Variants in TOR1A observed in about 807,000 individuals in gnomAD.
The protein encoded by TOR1A is torsin-1A.
A neutral mutation model predicts 31.4 loss-of-function variants in TOR1A; 18 were observed. The observed-to-expected ratio is 0.57, with a 90% CI of 0.40 to 0.85. The LOEUF (loss-of-function observed/expected upper bound fraction) is 0.85, where lower values mean the gene tolerates loss of function less well. Ranked by LOEUF, TOR1A falls within the 40% of genes least tolerant of loss-of-function variation. The pLI is 0.00. For missense variants in TOR1A, 375 were observed against 416.4 expected (o/e 0.90, Z 0.87); for synonymous variants, 168 against 165.9 (o/e 1.01, Z -0.10).
In TOR1A at chr9:129,813,186, A is replaced by G. The variant is rs2030939064; in HGVS notation, c.*786T>C. 2 of 152,562 alleles carry G rather than the reference A, an allele frequency of 1.3e-5. No homozygotes were observed. Among genetic ancestry groups the G allele is most frequent in the South Asian group, 4.1e-4 (2 of 4,828 alleles). 9.5% of individuals were successfully genotyped at this position (152,562 alleles called of 1,614,324 possible). A position where few individuals can be genotyped will look rare whatever the true frequency, so the allele number is the denominator to read the frequency against. The stretch of plus-strand genomic sequence containing the variant: ...ACAGTGAAGGGCCACCTTTTGCAAA[A>G]CGGAGTGACTGGCAAGTGACAAGTT... On this transcript the variant is annotated 3_prime_UTR_variant, in exon 5 of 5. Coordinates refer to ENST00000351698, the MANE Select transcript of TOR1A (RefSeq NM_000113.3).
intron 1 of TOR1A, 168 bp downstream of exon 1, chr9:129,823,740 C>A: frequency 4.5e-6 from 2 of 444,312 alleles, no homozygotes; most frequent in Non-Finnish European, 3.7e-6. Flanking sequence ...CTAGTGCCAT[C>A]GCCCAGCCCC....
At chr9:129,823,505 C>G in intron 1 of TOR1A, 1 of 178,948 alleles carries the variant, frequency 5.6e-6, no homozygotes, top group South Asian at 9.7e-5. Flanking sequence ...AGCCCCAGCC[C>G]CAGCCCCAGC....
chr9:129,818,373 T>C, intron 4 of TOR1A, 147 bp downstream of exon 4: 1 of 1,233,020 alleles, frequency 8.1e-7, no homozygotes. Context: ...TCAGCAAAGA[T>C]TCCCCTCATG....
intron 4 of TOR1A, chr9:129,818,299 T>C: frequency 1.5e-6 from 1 of 678,272 alleles, no homozygotes; most frequent in Non-Finnish European, 2.5e-6. Flanking sequence ...TAAAACTATC[T>C]GAAAAATAAA....
intron 2 of TOR1A, chr9:129,822,080 A>C (rs571338905): frequency 6.5e-5 from 15 of 229,610 alleles, no homozygotes; most frequent in Admixed American, 2.6e-4. Context: ...AGCCTGGCCA[A>C]GTTGGCAAAA....
In TOR1A at chr9:129,822,609, G is replaced by T. The variant is rs535987090; in HGVS notation, c.416C>A (p.Pro139Gln). 1 of 1,614,196 alleles carries T rather than the reference G, an allele frequency of 6.2e-7. No homozygotes were observed. Among genetic ancestry groups the T allele is most frequent in the African/African-American group, 1.3e-5 (1 of 75,030 alleles). ...GTACAAGGTGATGTTTGAAGCATGT[G>T]GAAAGTGCAATGTGGCCACAAACAG... ...VHLFVATLHF[P>Q]HASNITLYKD... Residue 139 changes from proline (P) to glutamine (Q), a missense_variant, in exon 2 of 5, where the codon CCA (proline) becomes CAA (glutamine). Coordinates refer to ENST00000351698, the MANE Select transcript of TOR1A (RefSeq NM_000113.3).
rs145607121 is a variant in TOR1A, at chr9:129,813,718, C to A, written c.*254G>T. On this transcript the variant is annotated 3_prime_UTR_variant, in exon 5 of 5. Transcript: ENST00000351698. Reference sequence around the variant, plus strand: ...AATTTGTAAAAAATCATGAGCCCTGCGATGAGTGGGCTGGGAGCTGGCTCC... The same window carrying A: ...AATTTGTAAAAAATCATGAGCCCTGAGATGAGTGGGCTGGGAGCTGGCTCC... 1.4e-5 allele frequency: 8 copies of A among 582,504 alleles called. No individual in the cohort carries two copies. The African/African-American group carries it at 1.5e-4, about 11-fold the overall frequency. The allele number at this position is 582,504 out of a possible 1,614,324, so 36.1% of individuals were successfully genotyped here.
chr9:129,818,398 T>A (rs1183449955), intron 4 of TOR1A, 122 bp downstream of exon 4: 2 of 1,486,588 alleles, frequency 1.3e-6, no homozygotes, highest in Middle Eastern at 1.9e-4. Context: ...GGAAGGGGAC[T>A]GAGAATCTGC....
chr9:129,819,071 C>T, intron 2 of TOR1A, 151 bp from the exon 3 acceptor site: 1 of 884,792 alleles, frequency 1.1e-6, no homozygotes, highest in Non-Finnish European at 1.8e-6. Flanking sequence ...TTGTTCCTAC[C>T]AACCCCATGG....
intron 4 of TOR1A, among the ~76,000 whole-genome samples, chr9:129,816,008 A>C (rs1346762309): frequency 1.3e-5 from 2 of 151,518 alleles, no homozygotes; most frequent in Non-Finnish European, 2.9e-5. Context: ...CCTGCCCAGG[A>C]CCCTCCAGGC....
In TOR1A at chr9:129,818,407, G is replaced by C. The variant is rs13297609; in HGVS notation, c.748+113C>G. On this transcript the variant is annotated intron_variant, in intron 4 of 4. Transcript: ENST00000351698. ...TGACTCGGAAGGGGACTGAGAATCT[G>C]CATTTCTTTCTACCCAGCTCCCAGG... 0.18 allele frequency: 274,226 copies of C among 1,524,424 alleles called. 25,849 individuals are homozygous for C. Among genetic ancestry groups the C allele is most frequent in the East Asian group, 0.23 (10,207 of 44,464 alleles). The allele number at this position is 1,524,424 out of a possible 1,614,324, so 94.4% of individuals were successfully genotyped here.
rs754373353 is a variant in TOR1A, at chr9:129,822,641, A to G, written c.384T>C (p.Tyr128=). ...GCAATGTGGCCACAAACAGGTGGAC[A>G]TAGTCACTGTTCAGACCACCCTCGT... The part of the protein sequence containing the change: ...NIYEGGLNSD[Y]VHLFVATLHF... Residue 128 remains tyrosine, a synonymous_variant, in exon 2 of 5, where the codon TAT becomes TAC. Coordinates refer to ENST00000351698, the MANE Select transcript of TOR1A (RefSeq NM_000113.3). 3.1e-6 allele frequency: 5 copies of G among 1,614,238 alleles called. No individual in the cohort carries two copies. The highest frequency in any genetic ancestry group is 4.2e-6 in the Non-Finnish European group (5 of 1,180,038).
At chr9:129,822,149 C>T in intron 2 of TOR1A, 1 of 285,988 alleles carries the variant, frequency 3.5e-6, no homozygotes, top group Non-Finnish European at 6.8e-6. Flanking sequence ...CCCTGTAATC[C>T]CAGCTACCCG....
intron 4 of TOR1A, among the ~76,000 whole-genome samples, chr9:129,815,513 G>A (rs1308409229): frequency 1.3e-5 from 2 of 152,236 alleles, no homozygotes; most frequent in East Asian, 1.9e-4. Flanking sequence ...CATGGAGAGC[G>A]GGAGGTGGAG....
rs1276343806 is a variant in TOR1A, at chr9:129,822,715, T to C, written c.310A>G (p.Thr104Ala). The change falls in exon 2 of 5, where the codon ACA (threonine) becomes GCA (alanine). Residue 104 changes from threonine (T) to alanine (A), a missense_variant. By Grantham distance (58) the Thr-to-Ala change is moderately conservative (BLOSUM62 0). Coordinates refer to ENST00000351698, the MANE Select transcript of TOR1A (RefSeq NM_000113.3). Reference sequence around the variant, plus strand: ...CTGACGAAATTTTTGCCGGTGCCTGTCCACCCGTGCAGGGAGAGCGTGAGA... The same window carrying C: ...CTGACGAAATTTTTGCCGGTGCCTGCCCACCCGTGCAGGGAGAGCGTGAGA... Reference protein sequence around the residue: ...KPLTLSLHGWTGTGKNFVSKI... With the variant: ...KPLTLSLHGWAGTGKNFVSKI... 1 of 1,614,218 alleles carries C rather than the reference T, an allele frequency of 6.2e-7. No individual in the cohort carries two copies.
At chr9:129,820,310 T>TG (rs778235967) in intron 2 of TOR1A, among the ~76,000 whole-genome samples, 44 of 151,962 alleles carry the variant, frequency 2.9e-4, no homozygotes, top group Non-Finnish European at 5.2e-4. Context: ...TTAGTAGAGA[T>TG]GGGGTTTCAC....
At position 129,818,533 on chromosome 9, in the gene TOR1A, G is replaced by A. The variant is rs1398826336; in HGVS notation, c.735C>T (p.Phe245=). ...GGCCCTACTCACTGTTCTTGTTATTGAAAACCGACACAGACAACGCGTGTT... is the reference window on the plus strand; with the variant it reads ...GGCCCTACTCACTGTTCTTGTTATTAAAAACCGACACAGACAACGCGTGTT... ...DIEHALSVSV[F]NNKNSGFWHS... Residue 245 remains phenylalanine (F), a synonymous_variant, in exon 4 of 5, where the codon TTC becomes TTT. Transcript: ENST00000351698. 3.7e-6 allele frequency: 6 copies of A among 1,614,144 alleles called. No individual in the cohort carries two copies. Among genetic ancestry groups the A allele is most frequent in the South Asian group, 3.3e-5 (3 of 91,078 alleles).
At chr9:129,819,859 G>C (rs1312421049) in intron 2 of TOR1A, among the ~76,000 whole-genome samples, 1 of 150,242 alleles carries the variant, frequency 6.7e-6, no homozygotes, top group African/African-American at 2.4e-5. Context: ...GGAGGTGGAG[G>C]TTGCAGTGAG....
In TOR1A at chr9:129,824,118, G is replaced by C; in HGVS notation, c.-33C>G. 6.5e-7 allele frequency: 1 copy of C among 1,541,734 alleles called. No individual in the cohort carries two copies. Among genetic ancestry groups the C allele is most frequent in the Non-Finnish European group, 8.7e-7 (1 of 1,149,200 alleles). ...CCCGCGCCACCCTGCTTGTTCTCGC[G>C]CCGACCGCGAACCGGTGCAGCCGCC... On this transcript the variant is annotated 5_prime_UTR_variant, in exon 1 of 5. Transcript: ENST00000351698.
Sources: allele counts gnomAD v4.1 joint callset (sites outside exome capture counted in the v4.1 genomes callset), GRCh38; gene constraint gnomAD v4.1.1; transcripts MANE v1.5; gene names NCBI Gene and HGNC (gene_info 2026-07-23, HGNC 2026-07-21).